Variants in OR51B5 observed in about 807,000 individuals in gnomAD.
OR51B5 encodes olfactory receptor 51B5.
For missense variants in OR51B5, 456 were observed against 374.6 expected (o/e 1.22, Z -1.79); for synonymous variants, 186 against 144.8 (o/e 1.28, Z -2.04).
At chr11:5,364,399 T>A (rs1162127821) in intron 1 of OR51B5, among the ~76,000 whole-genome samples, 2 of 152,106 alleles carry the variant, frequency 1.3e-5, no homozygotes, top group Non-Finnish European at 2.9e-5. Flanking sequence ...TTAGGAGCTA[T>A]GTGATGTGTC....
At chr11:5,377,851 A>T (rs1849551534) in intron 1 of OR51B5, among the ~76,000 whole-genome samples, 1 of 152,182 alleles carries the variant, frequency 6.6e-6, no homozygotes, top group Non-Finnish European at 1.5e-5. Flanking sequence ...GCTTATGGGT[A>T]GGAAGAATCA....
chr11:5,343,806 T>TGCA (rs1196404916), upstream of OR51B5, among the ~76,000 whole-genome samples: 3 of 152,172 alleles, frequency 2.0e-5, no homozygotes, highest in Admixed American at 6.5e-5. Context: ...AGAAAAAAAA[T>TGCA]TATGTAAACT....
intron 1 of OR51B5, among the ~76,000 whole-genome samples, chr11:5,486,217 ACC>A (rs1464614236): frequency 2.0e-5 from 3 of 151,508 alleles, no homozygotes; most frequent in African/African-American, 7.3e-5. Context: ...ATTAGAATTT[ACC>A]CCACTCCCAC....
chr11:5,483,331 G>T (rs1157519290), intron 1 of OR51B5, among the ~76,000 whole-genome samples: 1 of 126,766 alleles, frequency 7.9e-6, no homozygotes, highest in African/African-American at 3.1e-5. Flanking sequence ...CACAGGAAGG[G>T]GAATATCACA....
intron 1 of OR51B5, chr11:5,351,923 T>A: frequency 6.2e-7 from 1 of 1,613,130 alleles, no homozygotes. Context: ...AACACCCAGG[T>A]AATGAAGATT....
chr11:5,499,672 T>C (rs1851691835), intron 1 of OR51B5, among the ~76,000 whole-genome samples: 1 of 152,208 alleles, frequency 6.6e-6, no homozygotes, highest in South Asian at 2.1e-4. Context: ...TTCTGTCCCA[T>C]GTTAATTCCA....
At chr11:5,372,235 G>A (rs1337775506) in intron 1 of OR51B5, among the ~76,000 whole-genome samples, 1 of 152,148 alleles carries the variant, frequency 6.6e-6, no homozygotes, top group Non-Finnish European at 1.5e-5. Context: ...TAACATGAGA[G>A]TGCAGATAGC....
Position 5,366,879 on chromosome 11 carries a change from G to C in OR51B5, n.85-19969C>G, listed in dbSNP as rs368615712. Among the ~76,000 whole-genome samples the C allele has an allele frequency of 1.7e-4, 26 of 152,280 alleles. No homozygotes were observed. In the South Asian group the frequency reaches 5.2e-3, roughly 30 times the overall value. Reference sequence around the variant, plus strand: ...TGCAGGACTGGGAAGGTTTAGGCAGGGGTGCTATCTGATTCATGAGACAAC... The same window carrying C: ...TGCAGGACTGGGAAGGTTTAGGCAGCGGTGCTATCTGATTCATGAGACAAC... On this transcript the variant is annotated intron_variant and non_coding_transcript_variant, in intron 1 of 4. Coordinates refer to the OR51B5 transcript ENST00000415970.
intron 1 of OR51B5, among the ~76,000 whole-genome samples, chr11:5,448,313 C>A (rs374573400): frequency 1.3e-5 from 2 of 152,130 alleles, no homozygotes; most frequent in Non-Finnish European, 2.9e-5. Flanking sequence ...GATCCACACC[C>A]AGTAGATGTT....
At chr11:5,455,559 AG>A (rs1449675042) in intron 1 of OR51B5, 3 of 112,582 alleles carry the variant, frequency 2.7e-5, no homozygotes, top group African/African-American at 3.7e-5. Context: ...GGGAGAAAGA[AG>A]GGGGGAGAGA....
At chr11:5,355,694 G>T (rs1849182588) in intron 1 of OR51B5, 1 of 151,670 alleles carries the variant, frequency 6.6e-6, no homozygotes, top group Non-Finnish European at 1.5e-5. Flanking sequence ...ATCTGTAAAA[G>T]TTATGTTTTC....
At chr11:5,398,449 AG>A (rs1392574009) in intron 1 of OR51B5, among the ~76,000 whole-genome samples, 4 of 152,098 alleles carry the variant, frequency 2.6e-5, no homozygotes, top group Non-Finnish European at 4.4e-5. Flanking sequence ...GCAGCATTCC[AG>A]CCCCAGGACT....
Position 5,428,417 on chromosome 11 carries a change from A to G in OR51B5, n.84+77152T>C, listed in dbSNP as rs144357830. 8.1e-4 allele frequency among the ~76,000 whole-genome samples: 124 copies of G among 152,350 alleles called. 1 individual carries two copies. Among genetic ancestry groups the G allele is most frequent in the African/African-American group, 2.9e-3 (120 of 41,586 alleles). On this transcript the variant is annotated intron_variant and non_coding_transcript_variant, in intron 1 of 4. Transcript: ENST00000415970. ...TTTATTGTTTAAAAATGCTAACAAAATGAGCATATGCTGCTGAAAAGATGG... is the reference window on the plus strand; with the variant it reads ...TTTATTGTTTAAAAATGCTAACAAAGTGAGCATATGCTGCTGAAAAGATGG...
chr11:5,489,343 G>C (rs779833564), intron 1 of OR51B5: 3 of 1,614,012 alleles, frequency 1.9e-6, no homozygotes, highest in South Asian at 2.2e-5. Flanking sequence ...CATGGGACTG[G>C]ATTCCATTCT....
intron 1 of OR51B5, among the ~76,000 whole-genome samples, chr11:5,363,757 T>C (rs369043365): frequency 1.3e-5 from 2 of 152,300 alleles, no homozygotes; most frequent in East Asian, 3.9e-4. Flanking sequence ...GAAAGTAGCA[T>C]TTTCATGAGG....
At chr11:5,394,980 G>T (rs1849845378) in intron 1 of OR51B5, among the ~76,000 whole-genome samples, 1 of 152,136 alleles carries the variant, frequency 6.6e-6, no homozygotes, top group African/African-American at 2.4e-5. Context: ...ACAAAAAAGA[G>T]GATTGAGAAG....
chr11:5,348,098 A>G (rs1849022118), upstream of OR51B5, among the ~76,000 whole-genome samples: 1 of 151,794 alleles, frequency 6.6e-6, no homozygotes, highest in South Asian at 2.1e-4. Flanking sequence ...AGAGAAAAGT[A>G]ATAGTGTTGT....
At chr11:5,345,745 A>C (rs1332734904), upstream of OR51B5, 2 of 151,916 alleles carry the variant, frequency 1.3e-5, no homozygotes, top group Non-Finnish European at 2.9e-5. Context: ...TACCCTAAAG[A>C]TGCCACCAAA....
At chr11:5,439,457 C>G (rs1021853254) in intron 1 of OR51B5, among the ~76,000 whole-genome samples, 2 of 152,152 alleles carry the variant, frequency 1.3e-5, no homozygotes, top group African/African-American at 4.8e-5. Flanking sequence ...CCTTGTGCCC[C>G]AGTGTCCCAG....
Sources: allele counts gnomAD v4.1 joint callset (sites outside exome capture counted in the v4.1 genomes callset), GRCh38; gene constraint gnomAD v4.1.1; transcripts MANE v1.5; gene names NCBI Gene and HGNC (gene_info 2026-07-23, HGNC 2026-07-21).